The following RIMS3 variants were observed in gnomAD, a reference collection of about 807,000 sequenced individuals.
RIMS3 encodes regulating synaptic membrane exocytosis protein 3.
In RIMS3, 15 loss-of-function variants were observed where a neutral mutation model predicts 29.2. That is an observed-to-expected ratio of 0.51 (90% CI 0.34 to 0.79). The LOEUF (loss-of-function observed/expected upper bound fraction) is 0.79, where lower values mean the gene tolerates loss of function less well. Among genes scored for constraint, RIMS3 ranks in the 30% least tolerant of loss-of-function variants. The pLI is 0.01. For synonymous variants in RIMS3, 161 were observed against 170.1 expected, an observed-to-expected ratio of 0.95 and a Z score of 0.41; for missense variants, 342 against 421.4, an observed-to-expected ratio of 0.81 and a Z score of 1.65.
chr1:40,633,551 A>C (rs1646502359), intron 4 of RIMS3, among the ~76,000 whole-genome samples: 1 of 152,254 alleles, frequency 6.6e-6, no homozygotes, highest in Non-Finnish European at 1.5e-5. Flanking sequence ...CAGAAATTTC[A>C]ATGCCTGGAA....
chr1:40,626,354 G>T lies in RIMS3; in HGVS notation c.*163C>A, dbSNP rs183238400. 161 of 691,488 alleles carry T rather than the reference G, an allele frequency of 2.3e-4. No homozygotes were observed. The highest frequency in any genetic ancestry group is 3.9e-4 in the Non-Finnish European group (149 of 386,888). 42.8% of individuals were successfully genotyped at this position (691,488 alleles called of 1,614,324 possible). ...CACACACACACACGCACGCACACAC[G>T]CACACACTACAGTCTCCACTGCCAG... On this transcript the variant is annotated 3_prime_UTR_variant, in exon 8 of 8. Coordinates refer to ENST00000372684, the MANE Select transcript of RIMS3 (RefSeq NM_014747.3).
chr1:40,633,175 G>A lies in RIMS3; in HGVS notation c.366C>T (p.Ile122=), dbSNP rs766438888. The part of the protein sequence containing the change: ...TNSNSSDGTF[I]FPTTRLGAES... ...CAGCCCCTAGCCGGGTAGTGGGGAAGATGAACCTGCAGGAGGAGGCAGAGG... is the reference window on the plus strand; with the variant it reads ...CAGCCCCTAGCCGGGTAGTGGGGAAAATGAACCTGCAGGAGGAGGCAGAGG... The change falls in exon 5 of 8, where the codon ATC becomes ATT. Residue 122 remains isoleucine (I), a synonymous_variant. Transcript: ENST00000372684. 2 of 1,613,872 alleles carry A rather than the reference G, an allele frequency of 1.2e-6. No individual in the cohort carries two copies. The highest frequency in any genetic ancestry group is 4.5e-5 in the East Asian group (2 of 44,876).
At position 40,636,055 on chromosome 1, in the gene RIMS3, C is replaced by G; in HGVS notation, c.220G>C (p.Gly74Arg). 1 of 1,602,960 alleles carries G rather than the reference C, an allele frequency of 6.2e-7. No individual in the cohort carries two copies. Among genetic ancestry groups the G allele is most frequent in the Non-Finnish European group, 8.5e-7 (1 of 1,179,934 alleles). The change falls in exon 4 of 8, where the codon GGG (glycine) becomes CGG (arginine). Residue 74 changes from glycine to arginine, a missense_variant and splice_region_variant. By Grantham distance (125) the Gly-to-Arg change is moderately radical. Coordinates refer to ENST00000372684, the MANE Select transcript of RIMS3 (RefSeq NM_014747.3). The surrounding 1 kb of genome is among the most constrained non-coding windows in gnomAD (Gnocchi z 4.2). The stretch of plus-strand genomic sequence containing the variant: ...TTGCTGCGCAGCTTCTTGGTGGCCC[C>G]TTCTGTGACCCCCCCAACCCCAAGC... ...KSTLQLPQPE[G>R]ATKKLRSNIR...
chr1:40,683,747 T>C, the RIMS3 span, among the ~76,000 whole-genome samples: 58 of 152,240 alleles, frequency 3.8e-4, no homozygotes, highest in Non-Finnish European at 7.9e-4. Context: ...GGCTACTGTA[T>C]TGAACAGCAC....
At chr1:40,630,305 T>G (rs576253793) in intron 5 of RIMS3, among the ~76,000 whole-genome samples, 111 of 152,108 alleles carry the variant, frequency 7.3e-4, no homozygotes, top group African/African-American at 2.6e-3. Flanking sequence ...GTGTGTGGAG[T>G]TATGTCAGTT....
intron 2 of RIMS3, among the ~76,000 whole-genome samples, chr1:40,642,158 A>G (rs1203437870): frequency 2.6e-5 from 4 of 152,230 alleles, no homozygotes. Context: ...CATGGCTATG[A>G]AAAACCTTGC....
At position 40,632,827 on chromosome 1, in the gene RIMS3, T is replaced by C. The variant is rs140496866; in HGVS notation, c.472+242A>G. On this transcript the variant is annotated intron_variant, in intron 5 of 7. Transcript: ENST00000372684. The stretch of plus-strand genomic sequence containing the variant: ...CTACACATTAAATTGAAATACCTCA[T>C]GCAAAGCATCTAATAGGAGCTCAGT... 1.7e-3 allele frequency among the ~76,000 whole-genome samples: 262 copies of C among 152,242 alleles called. 4 individuals are homozygous for C. The highest frequency in any genetic ancestry group is 6.0e-3 in the African/African-American group (249 of 41,550).
At chr1:40,677,554 C>T in the RIMS3 span, among the ~76,000 whole-genome samples, 1 of 151,726 alleles carries the variant, frequency 6.6e-6, no homozygotes, top group Non-Finnish European at 1.5e-5. Flanking sequence ...AAAAATTAGC[C>T]AGGCATGGTG....
At chr1:40,686,126 G>A in the RIMS3 span, among the ~76,000 whole-genome samples, 1 of 152,206 alleles carries the variant, frequency 6.6e-6, no homozygotes, top group Non-Finnish European at 1.5e-5. Context: ...TCCAGCCTGG[G>A]TGACAAGAGC....
intron 1 of RIMS3, among the ~76,000 whole-genome samples, chr1:40,651,616 G>A (rs1646632367): frequency 6.6e-6 from 1 of 152,186 alleles, no homozygotes; most frequent in South Asian, 2.1e-4. Context: ...CTGTGAGCTG[G>A]TTAAAAATAG....
chr1:40,635,368 G>A lies in RIMS3; in HGVS notation c.359+548C>T, dbSNP rs953941383. Among the ~76,000 whole-genome samples the A allele has an allele frequency of 1.2e-4, 18 of 152,188 alleles. No individual in the cohort carries two copies. Among genetic ancestry groups the A allele is most frequent in the African/African-American group, 1.7e-4 (7 of 41,442 alleles). Reference sequence around the variant, plus strand: ...ATAAAAAATGGAAACAAAAGTTCACGAGGCAATTTATTCTTACTTCATAAG... The same window carrying A: ...ATAAAAAATGGAAACAAAAGTTCACAAGGCAATTTATTCTTACTTCATAAG... On this transcript the variant is annotated intron_variant, in intron 4 of 7. Transcript: ENST00000372684. The surrounding 1 kb of genome is among the most constrained non-coding windows in gnomAD (Gnocchi z 4.1).
rs1469277137 is a variant in RIMS3 at position 40,635,288 on chromosome 1, T to C, written c.359+628A>G. On this transcript the variant is annotated intron_variant, in intron 4 of 7. Transcript: ENST00000372684. This position sits in a 1 kb window ranked among gnomAD's most constrained non-coding sequence, Gnocchi z 4.1. ...TTCAGATTTTTTAATGCAACCTACA[T>C]GTAAGAAAGGAGATTTAACATCATG... is the stretch of plus-strand genomic sequence containing the variant. 1.3e-5 allele frequency among the ~76,000 whole-genome samples: 2 copies of C among 152,230 alleles called. No individual in the cohort carries two copies. Among genetic ancestry groups the C allele is most frequent in the Non-Finnish European group, 2.9e-5 (2 of 68,048 alleles).
intron 1 of RIMS3, among the ~76,000 whole-genome samples, chr1:40,659,760 G>C (rs1570203664): frequency 6.6e-6 from 1 of 152,192 alleles, no homozygotes; most frequent in South Asian, 2.1e-4. Flanking sequence ...ATAAGTAGGA[G>C]TTAGCAGGGC....
intron 3 of RIMS3, among the ~76,000 whole-genome samples, chr1:40,637,608 A>G (rs1281825889): frequency 1.3e-5 from 2 of 152,200 alleles, no homozygotes; most frequent in Non-Finnish European, 2.9e-5. Flanking sequence ...GTAATCTCAT[A>G]CACAAGGCTA....
chr1:40,670,598 A>ATATATATATATATATT (rs1432559399), upstream of RIMS3, among the ~76,000 whole-genome samples: 1 of 131,188 alleles, frequency 7.6e-6, no homozygotes, highest in Non-Finnish European at 1.6e-5. Context: ...ATATATATAT[A>ATATATATATATATATT]TATATATATA....
upstream of RIMS3, among the ~76,000 whole-genome samples, chr1:40,666,188 G>A (rs959468517): frequency 2.0e-5 from 3 of 152,200 alleles, no homozygotes; most frequent in Admixed American, 1.3e-4. Context: ...TCAGACAGAA[G>A]GAAGTAGAGT....
chr1:40,672,229 C>T, the RIMS3 span, among the ~76,000 whole-genome samples: 1 of 128,952 alleles, frequency 7.8e-6, no homozygotes, highest in Non-Finnish European at 1.6e-5. Flanking sequence ...GACGGAGTCT[C>T]GCTCTTTCAC....
chr1:40,659,907 A>C (rs890112114), intron 1 of RIMS3, among the ~76,000 whole-genome samples: 13 of 152,220 alleles, frequency 8.5e-5, no homozygotes, highest in African/African-American at 3.1e-4. Context: ...GCGTCAGTGC[A>C]TCTGGCTTTC....
chr1:40,633,286 C>A (rs1646501188), intron 4 of RIMS3, 105 bp from the exon 5 acceptor site: 1 of 768,238 alleles, frequency 1.3e-6, no homozygotes, highest in Non-Finnish European at 2.2e-6. Flanking sequence ...TGGGCACGTC[C>A]CTCTGTGCCT....
Sources: gnomAD v4.1 joint callset for allele counts (sites outside exome capture counted in the v4.1 genomes callset) on GRCh38, gnomAD v4.1.1 for gene constraint, Gnocchi (gnomAD v3.1) non-coding constraint, MANE v1.5 for transcripts, NCBI Gene and HGNC (gene_info 2026-07-23, HGNC 2026-07-21) for gene names.